The following TSHZ2 variants were observed in gnomAD, a reference collection of about 807,000 sequenced individuals.
TSHZ2 encodes the protein teashirt homolog 2.
A neutral mutation model predicts 74.4 loss-of-function variants in TSHZ2; 21 were observed. The ratio of observed to expected loss-of-function variants is 0.28; its 90% confidence interval spans 0.20 to 0.41. TSHZ2 has a LOEUF of 0.41. Ranked by LOEUF, TSHZ2 falls within the 10% of genes least tolerant of loss-of-function variation. TSHZ2 has a pLI of 1.00. For missense variants in TSHZ2, 1,244 were observed against 1,293.5 expected (o/e 0.96, Z 0.59); for synonymous variants, 540 against 515.3 (o/e 1.05, Z -0.65).
chr20:53,460,309 C>T (rs190561390), intron 2 of TSHZ2, among the ~76,000 whole-genome samples: 2 of 152,220 alleles, frequency 1.3e-5, no homozygotes, highest in Middle Eastern at 3.4e-3. Context: ...CATCTTCCAT[C>T]GCTGATACCC....
intron 1 of TSHZ2, among the ~76,000 whole-genome samples, chr20:52,998,278 C>T (rs1012206692): frequency 2.6e-5 from 4 of 152,192 alleles, no homozygotes; most frequent in African/African-American, 9.7e-5. Context: ...AAGCGATTCT[C>T]CTGCCTCAGC....
chr20:53,050,197 A>G (rs1040753669), intron 1 of TSHZ2, among the ~76,000 whole-genome samples: 3 of 146,654 alleles, frequency 2.0e-5, no homozygotes, highest in African/African-American at 5.0e-5. Context: ...GTATATATAT[A>G]TATGTATGTA....
chr20:53,256,543 A>C lies in TSHZ2; in HGVS notation c.3085A>C (p.Thr1029Pro). ...ACCCGAACACCATTCACAGTTTGTA[A>C]CAGACGTGGATGAAGAATAGCTCTG... ...KSPEHHSQFV[T>P]DVDEE The change falls in exon 2 of 3, where the codon ACA becomes CCA. Residue 1029 changes from threonine (T) to proline (P), a missense_variant. Around this residue, in one of 6 missense-constraint regions of TSHZ2, gnomAD observed 185 missense variants for 213.3 expected, o/e 0.87. Transcript: ENST00000371497. This position sits in a 1 kb window ranked among gnomAD's most constrained non-coding sequence, Gnocchi z 4.3. The C allele has an allele frequency of 6.3e-7, 1 of 1,593,890 alleles. No homozygotes were observed. The highest frequency in any genetic ancestry group is 8.6e-7 in the Non-Finnish European group (1 of 1,166,816).
At chr20:53,226,725 T>C (rs1215618137) in intron 1 of TSHZ2, among the ~76,000 whole-genome samples, 1 of 152,134 alleles carries the variant, frequency 6.6e-6, no homozygotes, top group Non-Finnish European at 1.5e-5. Flanking sequence ...CCGGGTACCG[T>C]CCTGTGTTAT....
At chr20:53,341,705 T>C (rs1980210360) in intron 2 of TSHZ2, among the ~76,000 whole-genome samples, 1 of 152,048 alleles carries the variant, frequency 6.6e-6, no homozygotes, top group African/African-American at 2.4e-5. Context: ...ATATTTGCTT[T>C]GTGGGGCAGG....
chr20:53,479,850 T>C (rs1986097498), intron 2 of TSHZ2, among the ~76,000 whole-genome samples: 1 of 152,132 alleles, frequency 6.6e-6, no homozygotes, highest in Non-Finnish European at 1.5e-5. Context: ...CTACAATGCA[T>C]AGACGGGCGG....
chr20:52,985,081 T>G (rs2122891391), intron 1 of TSHZ2, among the ~76,000 whole-genome samples: 1 of 152,248 alleles, frequency 6.6e-6, no homozygotes, highest in South Asian at 2.1e-4. Flanking sequence ...GCCACACTTT[T>G]CCACGCATAT....
chr20:53,244,587 T>A (rs945061598), intron 1 of TSHZ2, among the ~76,000 whole-genome samples: 7 of 152,184 alleles, frequency 4.6e-5, no homozygotes, highest in African/African-American at 1.7e-4. Flanking sequence ...CCAAGACACG[T>A]CGCAATAATA....
intron 1 of TSHZ2, among the ~76,000 whole-genome samples, chr20:53,050,572 G>A (rs569088396): frequency 6.6e-6 from 1 of 152,364 alleles, no homozygotes; most frequent in South Asian, 2.1e-4. Context: ...TTCGTAGGGA[G>A]CTGTGTAATG....
intron 2 of TSHZ2, among the ~76,000 whole-genome samples, chr20:53,329,393 G>A (rs1265886980): frequency 6.6e-6 from 1 of 152,158 alleles, no homozygotes; most frequent in East Asian, 1.9e-4. Context: ...GATGTATGGG[G>A]GCGGTGATTA....
At chr20:53,469,850 G>GGA (rs1985737099) in intron 2 of TSHZ2, among the ~76,000 whole-genome samples, 1 of 69,202 alleles carries the variant, frequency 1.4e-5, no homozygotes, top group Non-Finnish European at 3.0e-5. Flanking sequence ...GGGAGGGAGG[G>GGA]AGGAAGGAAG....
intron 1 of TSHZ2, among the ~76,000 whole-genome samples, chr20:53,232,270 C>T (rs972821523): frequency 2.6e-5 from 4 of 152,192 alleles, no homozygotes; most frequent in African/African-American, 9.6e-5. Context: ...TTGGAATTCT[C>T]CATCTACAGT....
intron 1 of TSHZ2, among the ~76,000 whole-genome samples, chr20:53,245,901 G>A (rs527738465): frequency 1.2e-4 from 19 of 152,242 alleles, no homozygotes; most frequent in East Asian, 5.8e-4. Flanking sequence ...TGGTTCCTGC[G>A]GTTCAGAGGT....
intron 1 of TSHZ2, among the ~76,000 whole-genome samples, chr20:53,103,533 A>G (rs771430681): frequency 2.0e-5 from 3 of 152,114 alleles, no homozygotes; most frequent in Non-Finnish European, 4.4e-5. Context: ...GAAAGCAGAG[A>G]GAGTGCTTCA....
chr20:53,147,207 T>A (rs1987562769), intron 1 of TSHZ2, among the ~76,000 whole-genome samples: 1 of 152,234 alleles, frequency 6.6e-6, no homozygotes. Context: ...TAAATCTATC[T>A]GTCTCTTCTA....
intron 1 of TSHZ2, among the ~76,000 whole-genome samples, chr20:53,246,320 G>A (rs193130875): frequency 2.1e-3 from 319 of 152,238 alleles, no homozygotes; most frequent in African/African-American, 7.3e-3. Context: ...TGGGATTACA[G>A]GCGTGAGCCA....
chr20:53,039,020 C>T lies in TSHZ2; in HGVS notation c.40+65687C>T, dbSNP rs370485723. On this transcript the variant is annotated intron_variant, in intron 1 of 2. Coordinates refer to ENST00000371497, the MANE Select transcript of TSHZ2 (RefSeq NM_173485.6). Reference sequence around the variant, plus strand: ...CAAGCCATTCTCCTGACTCAGCCTCCCAAGTAGCTGGGATTACAGTCATGC... The same window carrying T: ...CAAGCCATTCTCCTGACTCAGCCTCTCAAGTAGCTGGGATTACAGTCATGC... Among the ~76,000 whole-genome samples, 218 of 152,146 alleles carry T rather than the reference C, an allele frequency of 1.4e-3. 3 individuals are homozygous for T. Among genetic ancestry groups the T allele is most frequent in the African/African-American group, 5.0e-3 (209 of 41,488 alleles).
chr20:53,026,170 A>G (rs1983437840), intron 1 of TSHZ2, among the ~76,000 whole-genome samples: 2 of 152,058 alleles, frequency 1.3e-5, no homozygotes, highest in South Asian at 4.2e-4. Flanking sequence ...GGCAGGTTCC[A>G]TGAATGGAAC....
intron 2 of TSHZ2, among the ~76,000 whole-genome samples, chr20:53,281,078 G>T (rs1253516255): frequency 6.6e-6 from 1 of 152,198 alleles, no homozygotes; most frequent in East Asian, 1.9e-4. Flanking sequence ...AAAGCCTCTG[G>T]CCTCATGCAG....
Sources: gnomAD v4.1 joint callset for allele counts (sites outside exome capture counted in the v4.1 genomes callset) on GRCh38, gnomAD v4.1.1 for gene constraint, gnomAD v4.1.1 regional missense constraint, Gnocchi (gnomAD v3.1) non-coding constraint, MANE v1.5 for transcripts, NCBI Gene and HGNC (gene_info 2026-07-23, HGNC 2026-07-21) for gene names.